Variants in KSR2 observed in about 807,000 individuals in gnomAD.
KSR2 encodes kinase suppressor of ras 2.
A neutral mutation model predicts 107.8 loss-of-function variants in KSR2; 25 were observed. That is an observed-to-expected ratio of 0.23 (90% CI 0.17 to 0.32). The LOEUF (loss-of-function observed/expected upper bound fraction) is 0.32, where lower values mean the gene tolerates loss of function less well. Among genes scored for constraint, KSR2 ranks in the 10% least tolerant of loss-of-function variants. KSR2 has a pLI of 1.00. For synonymous variants in KSR2, 480 were observed against 507.0 expected (o/e 0.95, Z 0.71); for missense variants, 887 against 1,268.9 (o/e 0.70, Z 4.57).
intron 3 of KSR2, among the ~76,000 whole-genome samples, chr12:117,762,649 G>C (rs967898130): frequency 6.6e-6 from 1 of 152,142 alleles, no homozygotes; most frequent in Non-Finnish European, 1.5e-5. Flanking sequence ...CAGATTACTT[G>C]AGGTCACGAG....
chr12:117,853,205 AG>A (rs1892985393), intron 3 of KSR2, among the ~76,000 whole-genome samples: 2 of 152,374 alleles, frequency 1.3e-5, no homozygotes, highest in African/African-American at 4.8e-5. Context: ...TATTCACAGC[AG>A]CGTTGCTTAT....
At chr12:117,801,044 G>A (rs117613304) in intron 3 of KSR2, among the ~76,000 whole-genome samples, 5,535 of 152,204 alleles carry the variant, frequency 0.036, 140 homozygotes, top group Middle Eastern at 0.061. Flanking sequence ...TGTAAATAGC[G>A]CTGCAATAAG....
intron 1 of KSR2, among the ~76,000 whole-genome samples, chr12:117,892,019 C>T (rs765934448): frequency 2.1e-5 from 2 of 96,184 alleles, no homozygotes; most frequent in Non-Finnish European, 3.9e-5. Flanking sequence ...CACATAACGG[C>T]CCAGTGCGGT....
chr12:117,767,131 A>C (rs1889261106), intron 3 of KSR2, among the ~76,000 whole-genome samples: 1 of 150,364 alleles, frequency 6.7e-6, no homozygotes, highest in Admixed American at 6.6e-5. Flanking sequence ...GGAAAAAATT[A>C]GGCCAGGCGC....
At chr12:117,886,739 TTA>T (rs1192683825) in intron 1 of KSR2, among the ~76,000 whole-genome samples, 17 of 152,206 alleles carry the variant, frequency 1.1e-4, no homozygotes, top group African/African-American at 4.1e-4. Context: ...CACATGTCTA[TTA>T]TATGACATCT....
At chr12:117,603,377 G>A (rs12425928) in intron 5 of KSR2, among the ~76,000 whole-genome samples, 2,278 of 152,312 alleles carry the variant, frequency 0.015, 28 homozygotes, top group Admixed American at 0.029. Flanking sequence ...GTAGCCCTAT[G>A]CACAGAACTT....
chr12:117,820,319 A>T (rs931749850), intron 3 of KSR2, among the ~76,000 whole-genome samples: 1 of 152,016 alleles, frequency 6.6e-6, no homozygotes, highest in Admixed American at 6.6e-5. Flanking sequence ...GAGGCGGGGG[A>T]TGTTCTGCCT....
chr12:117,872,392 C>T (rs1893680317), intron 1 of KSR2, among the ~76,000 whole-genome samples: 1 of 152,072 alleles, frequency 6.6e-6, no homozygotes, highest in African/African-American at 2.4e-5. Flanking sequence ...AGCAAGACCC[C>T]CATCTCCACC....
intron 3 of KSR2, among the ~76,000 whole-genome samples, chr12:117,789,468 C>A (rs992894397): frequency 6.6e-6 from 1 of 152,214 alleles, no homozygotes; most frequent in Non-Finnish European, 1.5e-5. Flanking sequence ...CCAGGGAAAA[C>A]TTACTAGGCA....
At chr12:117,623,365 A>T (rs1032654212) in intron 5 of KSR2, among the ~76,000 whole-genome samples, 2 of 152,112 alleles carry the variant, frequency 1.3e-5, no homozygotes, top group African/African-American at 4.8e-5. Flanking sequence ...ATTTCTCCTA[A>T]TGCTATCCCT....
intron 1 of KSR2, among the ~76,000 whole-genome samples, chr12:117,906,537 C>T (rs1206232235): frequency 5.3e-5 from 8 of 151,486 alleles, no homozygotes; most frequent in Non-Finnish European, 7.4e-5. Context: ...ACTTGGGAGG[C>T]GGAGGTTGCA....
At position 117,457,027 on chromosome 12, in the gene KSR2, G is replaced by A. The variant is rs546594719; in HGVS notation, c.*10172C>T. The A allele has an allele frequency of 3.9e-5, 6 of 152,308 alleles. No individual in the cohort carries two copies. Among genetic ancestry groups the A allele is most frequent in the East Asian group, 1.9e-4 (1 of 5,176 alleles). 9.4% of individuals were successfully genotyped at this position (152,308 alleles called of 1,614,324 possible). A position where few individuals can be genotyped will look rare whatever the true frequency, so the allele number is the denominator to read the frequency against. On this transcript the variant is annotated 3_prime_UTR_variant, in exon 20 of 20. Transcript: ENST00000339824. ...CTCAGAAAGCAACACCAAGATTGCCGGATGCAAGTCTCAAGATTTCAGCTC... is the reference window on the plus strand; with the variant it reads ...CTCAGAAAGCAACACCAAGATTGCCAGATGCAAGTCTCAAGATTTCAGCTC...
At chr12:117,888,306 T>TATA (rs1894238541) in intron 1 of KSR2, among the ~76,000 whole-genome samples, 1 of 152,176 alleles carries the variant, frequency 6.6e-6, no homozygotes, top group Non-Finnish European at 1.5e-5. Flanking sequence ...CAAATAAATG[T>TATA]TCCACCATAT....
rs191352514 is a variant in KSR2 at position 117,842,585 on chromosome 12, C to A, written c.472+12843G>T. On this transcript the variant is annotated intron_variant, in intron 3 of 19. Coordinates refer to ENST00000339824, the MANE Select transcript of KSR2 (RefSeq NM_173598.6). The surrounding 1 kb of genome is among the most constrained non-coding windows in gnomAD (Gnocchi z 4.2). ...CTCAAAGAGTTCAGGCCCTGCCAAG[C>A]ACAAGTTCAATGTCAATTCTGCACC... 3.3e-5 allele frequency among the ~76,000 whole-genome samples: 5 copies of A among 152,196 alleles called. No homozygotes were observed. Among genetic ancestry groups the A allele is most frequent in the African/African-American group, 4.8e-5 (2 of 41,462 alleles).
At chr12:117,516,550 A>G (rs1874390822) in intron 14 of KSR2, among the ~76,000 whole-genome samples, 1 of 152,218 alleles carries the variant, frequency 6.6e-6, no homozygotes, top group African/African-American at 2.4e-5. Flanking sequence ...TTATTATTAT[A>G]GCATCATTTT....
intron 1 of KSR2, among the ~76,000 whole-genome samples, chr12:117,935,282 G>T (rs1400702085): frequency 1.3e-5 from 2 of 152,126 alleles, no homozygotes; most frequent in African/African-American, 4.8e-5. Context: ...TCATAGGCAT[G>T]CACCACCACA....
At chr12:117,886,028 G>A (rs1275215719) in intron 1 of KSR2, among the ~76,000 whole-genome samples, 3 of 151,680 alleles carry the variant, frequency 2.0e-5, no homozygotes, top group Admixed American at 6.6e-5. Flanking sequence ...TCTGGGAGGC[G>A]GAGGTTGCAG....
chr12:117,643,955 G>C (rs1039532104), intron 5 of KSR2, among the ~76,000 whole-genome samples: 5 of 152,184 alleles, frequency 3.3e-5, no homozygotes, highest in African/African-American at 9.7e-5. Context: ...TCCTTGGATG[G>C]GGTGTGGCAG....
intron 3 of KSR2, among the ~76,000 whole-genome samples, chr12:117,771,370 A>C (rs2136911927): frequency 6.6e-6 from 1 of 152,278 alleles, no homozygotes; most frequent in East Asian, 1.9e-4. Flanking sequence ...GAATGGAACC[A>C]ATGTACATCT....
Sources: allele counts gnomAD v4.1 joint callset (sites outside exome capture counted in the v4.1 genomes callset), GRCh38; gene constraint gnomAD v4.1.1; non-coding constraint Gnocchi (gnomAD v3.1); transcripts MANE v1.5; gene names NCBI Gene and HGNC (gene_info 2026-07-23, HGNC 2026-07-21).